The following TTN variants were observed in gnomAD, a reference collection of about 807,000 sequenced individuals.
TTN encodes titin.
Under a neutral mutation model 3,223.0 loss-of-function variants are expected in TTN, and 1,525 were observed. The ratio of observed to expected loss-of-function variants is 0.47; its 90% CI spans 0.45 to 0.49. TTN has a LOEUF of 0.49. Ranked by LOEUF, TTN falls within the 20% of genes least tolerant of loss-of-function variation. The pLI is 0.00. For missense variants in TTN, 40,786 were observed against 43,424.0 expected (o/e 0.94, Z 5.40); for synonymous variants, 14,094 against 15,161.0 (o/e 0.93, Z 5.17).
intron 286 of TTN, 27 bp downstream of exon 286, chr2:178,601,631 T>A: frequency 6.3e-7 from 1 of 1,584,162 alleles, no homozygotes; most frequent in Non-Finnish European, 8.6e-7. Context: ...GTTTTTATTC[T>A]GTAGCAACTT....
At chr2:178,686,113 A>ATGTTTTTTTTTTTTTTTTTTTTT (rs2070795829) in intron 127 of TTN, among the ~76,000 whole-genome samples, 1 of 77,812 alleles carries the variant, frequency 1.3e-5, no homozygotes, top group African/African-American at 6.6e-5. Context: ...TACAGTTTTA[A>ATGTTTTTTTTTTTTTTTTTTTTT]TTTTTTTTTT....
In TTN at chr2:178,582,575, C is replaced by T. The variant is rs778340197; in HGVS notation, c.65881G>A (p.Ala21961Thr). The T allele has an allele frequency of 6.2e-7, 1 of 1,608,178 alleles. No individual in the cohort carries two copies. Among genetic ancestry groups the T allele is most frequent in the Admixed American group, 1.7e-5 (1 of 59,718 alleles). The change falls in exon 314 of 363, where the codon GCA becomes ACA. Residue 21961 changes from alanine to threonine, a missense_variant. Transcript: ENST00000589042. ...TACATTTTGTTGATTTTAACAGATG[C>T]TGGAGGACCCGGTTTATCTGAAGGA... ...LKVLDKPGPP[A>T]SVKINKMYSD...
chr2:178,740,060 C>T lies in TTN; in HGVS notation c.13173G>A (p.Gln4391=). Residue 4391 remains glutamine (Q), a synonymous_variant, in exon 48 of 363, where the codon CAG becomes CAA. Coordinates refer to ENST00000589042, the MANE Select transcript of TTN (RefSeq NM_001267550.2). ...AGATTTGAATTTTCAGGTTTAATCT[C>T]TGCTCTTCTGGAATACCAGAAAGCA... is the stretch of plus-strand genomic sequence containing the variant. ...ESLLSGIPEE[Q]RLNLKIQICR... is the part of the protein sequence containing the mutation. 1.2e-6 allele frequency: 2 copies of T among 1,613,856 alleles called. No individual in the cohort carries two copies. Among genetic ancestry groups the T allele is most frequent in the Non-Finnish European group, 8.5e-7 (1 of 1,179,834 alleles).
Position 178,703,064 on chromosome 2 carries a change from A to G in TTN, c.30224-401T>C, listed in dbSNP as rs533630063. On this transcript the variant is annotated intron_variant, in intron 106 of 362. Coordinates refer to ENST00000589042, the MANE Select transcript of TTN (RefSeq NM_001267550.2). ...CTCAGTAAAATAATTTTTGCTATTC[A>G]GGATCTATAATTGTTTATCTAATAT... is the stretch of plus-strand genomic sequence containing the variant. Among the ~76,000 whole-genome samples, 4 of 152,322 alleles carry G rather than the reference A, an allele frequency of 2.6e-5. No individual in the cohort carries two copies. In the South Asian group the frequency reaches 8.3e-4, roughly 32 times the overall value.
At chr2:178,577,954 A>G (rs768736589) in intron 322 of TTN, 34 bp downstream of exon 322, 1 of 1,595,940 alleles carries the variant, frequency 6.3e-7, no homozygotes, top group African/African-American at 1.4e-5. Flanking sequence ...CATGTAAAAC[A>G]TGCACCTGGG....
rs778552668 is a variant in TTN at position 178,619,979 on chromosome 2, A to G, written c.46429+9T>C. ...TAACATTAGAATTGTTTTTTCACTTAATATGTACCTTCCACAAAAAGTCTA... is the reference window on the plus strand; with the variant it reads ...TAACATTAGAATTGTTTTTTCACTTGATATGTACCTTCCACAAAAAGTCTA... On this transcript the variant is annotated intron_variant, in intron 249 of 362. Coordinates refer to ENST00000589042, the MANE Select transcript of TTN (RefSeq NM_001267550.2). 1 of 1,606,688 alleles carries G rather than the reference A, an allele frequency of 6.2e-7. No homozygotes were observed. The highest frequency in any genetic ancestry group is 1.3e-5 in the African/African-American group (1 of 74,360).
In TTN at chr2:178,621,147, C is replaced by G; in HGVS notation, c.45571G>C (p.Val15191Leu). Residue 15191 changes from valine (V) to leucine (L), a missense_variant, in exon 246 of 363, where the codon GTC (valine) becomes CTC (leucine). Coordinates refer to ENST00000589042, the MANE Select transcript of TTN (RefSeq NM_001267550.2). ...GCTGCTCTGGCGGCCCCTACCATGA[C>G]AACGTAAGTGCCCATATCTTGTAAT... ...ATLQDMGTYV[V>L]MVGAARAAAH... 6.2e-7 allele frequency: 1 copy of G among 1,612,626 alleles called. No homozygotes were observed.
chr2:178,753,252 G>A, intron 46 of TTN, 72 bp from the exon 47 acceptor site: 1 of 1,234,206 alleles, frequency 8.1e-7, no homozygotes, highest in Non-Finnish European at 1.2e-6. Flanking sequence ...TTCATGACTT[G>A]TATGATTAAA....
rs771108822 is a variant in TTN, at chr2:178,584,491, C to A, written c.65060G>T (p.Gly21687Val). 1.2e-6 allele frequency: 2 copies of A among 1,613,150 alleles called. No individual in the cohort carries two copies. Among genetic ancestry groups the A allele is most frequent in the Non-Finnish European group, 1.7e-6 (2 of 1,179,544 alleles). Residue 21687 changes from glycine (G) to valine (V), a missense_variant, in exon 311 of 363, where the codon GGA (glycine) becomes GTA (valine). Physicochemically the swap from Gly to Val is moderately radical, Grantham distance 109. Coordinates refer to ENST00000589042, the MANE Select transcript of TTN (RefSeq NM_001267550.2). ...FVAWDRPDSDGGSPIIGYLIE... is the reference protein window; with the variant it reads ...FVAWDRPDSDVGSPIIGYLIE... ...CAGATAACCAATAATGGGGCTCCCT[C>A]CATCACTATCTGGTCTGTCCCAAGC...
Position 178,680,015 on chromosome 2 carries a change from G to A in TTN, c.33459C>T (p.Ala11153=), listed in dbSNP as rs2068983409. ...CATGGGTTACAACTTCCTCTTCAAA[G>A]GCAACCTCTTCTGGTTCAAGTTCTT... ...VPKELEPEEV[A]FEEEVVTHVE... The change falls in exon 140 of 363, where the codon GCC becomes GCT. Residue 11153 remains alanine, a synonymous_variant. Transcript: ENST00000589042. 1 of 1,613,102 alleles carries A rather than the reference G, an allele frequency of 6.2e-7. No individual in the cohort carries two copies. Among genetic ancestry groups the A allele is most frequent in the Non-Finnish European group, 8.5e-7 (1 of 1,179,420 alleles).
Position 178,549,286 on chromosome 2 carries a change from G to C in TTN, c.92340C>G (p.Phe30780Leu). 2 of 1,613,926 alleles carry C rather than the reference G, an allele frequency of 1.2e-6. No individual in the cohort carries two copies. The highest frequency in any genetic ancestry group is 8.5e-7 in the Non-Finnish European group (1 of 1,179,854). Residue 30780 changes from phenylalanine (F) to leucine (L), a missense_variant, in exon 339 of 363, where the codon TTC becomes TTG. Transcript: ENST00000589042. ...ISKRPISETRFKVTGLTEGNE... is the reference protein window; with the variant it reads ...ISKRPISETRLKVTGLTEGNE... ...TGCCTTCTGTCAGACCAGTGACTTT[G>C]AATCTTGTTTCAGAGATTGGTCGTT...
At chr2:178,674,784 C>G (rs1188035742) in intron 150 of TTN, among the ~76,000 whole-genome samples, 1 of 151,624 alleles carries the variant, frequency 6.6e-6, no homozygotes, top group Admixed American at 6.6e-5. Flanking sequence ...AAATTTCCCA[C>G]AGCAAATACA....
At position 178,636,717 on chromosome 2, in the gene TTN, A is replaced by G. The variant is rs193191368; in HGVS notation, c.41010T>C (p.Asp13670=). The G allele has an allele frequency of 1.7e-4, 271 of 1,613,152 alleles. 2 individuals carry two copies. In the African/African-American group the frequency reaches 3.1e-3, roughly 18 times the overall value. ...RPGSGGEKPP[D]EAPFTYQLKA... ...TTAGCTGGTAGGTGAACGGGGCTTCATCAGGAGGTTTCTCTCCACCACTTC... is the reference window on the plus strand; with the variant it reads ...TTAGCTGGTAGGTGAACGGGGCTTCGTCAGGAGGTTTCTCTCCACCACTTC... Residue 13670 remains aspartate (D), a synonymous_variant, in exon 225 of 363, where the codon GAT becomes GAC. Transcript: ENST00000589042. The surrounding 1 kb of genome is among the most constrained non-coding windows in gnomAD (Gnocchi z 4.3).
Position 178,661,739 on chromosome 2 carries a change from C to T in TTN, c.37285+20G>A. 2 of 1,599,392 alleles carry T rather than the reference C, an allele frequency of 1.3e-6. No homozygotes were observed. The highest frequency in any genetic ancestry group is 1.7e-6 in the Non-Finnish European group (2 of 1,175,364). On this transcript the variant is annotated intron_variant, in intron 180 of 362. Coordinates refer to ENST00000589042, the MANE Select transcript of TTN (RefSeq NM_001267550.2). The stretch of plus-strand genomic sequence containing the variant: ...GCACAAGAGATAGATCATCTGAAGC[C>T]TAAAATCAGTGACAAATACCTTTAA...
intron 250 of TTN, chr2:178,619,148 GT>G: frequency 2.3e-6 from 1 of 429,918 alleles, no homozygotes; most frequent in South Asian, 2.9e-5. Context: ...GTTTTGTTTT[GT>G]TTTTTGATAG....
At position 178,608,471 on chromosome 2, in the gene TTN, G is replaced by A; in HGVS notation, c.52412C>T (p.Pro17471Leu). 1 of 1,581,896 alleles carries A rather than the reference G, an allele frequency of 6.3e-7. No homozygotes were observed. Among genetic ancestry groups the A allele is most frequent in the Non-Finnish European group, 8.6e-7 (1 of 1,167,082 alleles). Reference protein sequence around the residue: ...PLVAKDPFGPPDAPDKPIVED... With the variant: ...PLVAKDPFGPLDAPDKPIVED... ...CACAATGGGCTTATCTGGTGCATCA[G>A]GTGGTCCTGATAAAAAAATAACATT... Residue 17471 changes from proline to leucine, a missense_variant, in exon 275 of 363, where the codon CCT becomes CTT. By Grantham distance (98) the Pro-to-Leu change is moderately conservative (BLOSUM62 -3). Coordinates refer to ENST00000589042, the MANE Select transcript of TTN (RefSeq NM_001267550.2).
rs761751013 is a variant in TTN at position 178,766,452 on chromosome 2, C to A, written c.9632G>T (p.Arg3211Ile). The A allele has an allele frequency of 1.2e-6, 2 of 1,614,156 alleles. No individual in the cohort carries two copies. Among genetic ancestry groups the A allele is most frequent in the Non-Finnish European group, 1.7e-6 (2 of 1,179,994 alleles). ...RIHRMFISET[R>I]QSDAGEYTFV... is the part of the protein sequence containing the mutation. ...GGTGTATTCTCCTGCATCGCTCTGT[C>A]TGGTCTCAGAGATAAACATTCGGTG... Residue 3211 changes from arginine to isoleucine, a missense_variant, in exon 41 of 363, where the codon AGA becomes ATA. Physicochemically the swap from Arg to Ile is moderately conservative, Grantham distance 97 (BLOSUM62 -3). Coordinates refer to ENST00000589042, the MANE Select transcript of TTN (RefSeq NM_001267550.2).
Position 178,612,315 on chromosome 2 carries a change from G to A in TTN, c.50210C>T (p.Thr16737Ile). The A allele has an allele frequency of 1.9e-6, 3 of 1,612,586 alleles. No homozygotes were observed. The highest frequency in any genetic ancestry group is 2.5e-6 in the Non-Finnish European group (3 of 1,179,176). Residue 16737 changes from threonine (T) to isoleucine (I), a missense_variant, in exon 266 of 363, where the codon ACC becomes ATC. Transcript: ENST00000589042. ...AENAIGQSDY[T>I]EIEDSVLAKD... Reference sequence around the variant, plus strand: ...GGCCAGCACAGAGTCCTCAATTTCGGTGTAGTCGCTTTGTCCTATAGCATT... The same window carrying A: ...GGCCAGCACAGAGTCCTCAATTTCGATGTAGTCGCTTTGTCCTATAGCATT...
Position 178,568,236 on chromosome 2 carries a change from A to G in TTN, c.77896T>C (p.Phe25966Leu). 6.2e-7 allele frequency: 1 copy of G among 1,613,516 alleles called. No homozygotes were observed. Among genetic ancestry groups the G allele is most frequent in the South Asian group, 1.1e-5 (1 of 91,072 alleles). ...CTTTGTCCATATCTGTTTTCGGCAAATATTCTAAATTGGTATTCTGTACCA... is the reference window on the plus strand; with the variant it reads ...CTTTGTCCATATCTGTTTTCGGCAAGTATTCTAAATTGGTATTCTGTACCA... ...KTGTEYQFRI[F>L]AENRYGQSFA... The change falls in exon 326 of 363, where the codon TTT becomes CTT. Residue 25966 changes from phenylalanine (F) to leucine (L), a missense_variant. By Grantham distance (22) the Phe-to-Leu change is conservative. Transcript: ENST00000589042.
Sources: gnomAD v4.1 joint callset for allele counts (sites outside exome capture counted in the v4.1 genomes callset) on GRCh38, gnomAD v4.1.1 for gene constraint, Gnocchi (gnomAD v3.1) non-coding constraint, MANE v1.5 for transcripts, NCBI Gene and HGNC (gene_info 2026-07-23, HGNC 2026-07-21) for gene names.